Variants in ITGA4 observed in about 807,000 individuals in gnomAD.
The protein encoded by ITGA4 is integrin alpha-4.
In ITGA4, 63 loss-of-function variants were observed where a neutral mutation model predicts 133.6. The observed-to-expected ratio is 0.47, with a 90% CI of 0.38 to 0.58. The LOEUF (loss-of-function observed/expected upper bound fraction) is 0.58, where lower values mean the gene tolerates loss of function less well. ITGA4 is among the 20% of genes least tolerant of loss of function. The pLI, the probability that ITGA4 is intolerant of heterozygous loss-of-function variation, is 0.00. For synonymous variants in ITGA4, 483 were observed against 438.0 expected (o/e 1.10, Z -1.28); for missense variants, 1,076 against 1,252.7 (o/e 0.86, Z 2.13).
At position 181,457,833 on chromosome 2, in the gene ITGA4, G is replaced by C; in HGVS notation, c.179G>C (p.Ser60Thr). ...TTCGGCTACTCGGTCGTGCTGCACA[G>C]CCACGGGGCGAACCGATGGTGAGTA... ...TLFGYSVVLHSHGANRWLLVG... is the reference protein window; with the variant it reads ...TLFGYSVVLHTHGANRWLLVG... The change falls in exon 1 of 28, where the codon AGC becomes ACC. Residue 60 changes from serine to threonine, a missense_variant. Ser to Thr is a moderately conservative substitution (Grantham distance 58). Coordinates refer to ENST00000397033, the MANE Select transcript of ITGA4 (RefSeq NM_000885.6). The C allele has an allele frequency of 6.2e-7, 1 of 1,612,738 alleles. No homozygotes were observed. Among genetic ancestry groups the C allele is most frequent in the East Asian group, 2.2e-5 (1 of 44,862 alleles).
chr2:181,477,623 G>A (rs1164323911), intron 4 of ITGA4, among the ~76,000 whole-genome samples: 3 of 152,056 alleles, frequency 2.0e-5, no homozygotes, highest in African/African-American at 7.2e-5. Context: ...TCAAGGAAAT[G>A]CAAATTACAA....
At position 181,459,917 on chromosome 2, in the gene ITGA4, A is replaced by G. The variant is rs899919167; in HGVS notation, c.319+1600A>G. Among the ~76,000 whole-genome samples the G allele has an allele frequency of 2.0e-5, 3 of 152,240 alleles. 1 individual carries two copies. In the South Asian group the frequency reaches 6.2e-4, roughly 31 times the overall value. On this transcript the variant is annotated intron_variant, in intron 2 of 27. Transcript: ENST00000397033. Reference sequence around the variant, plus strand: ...TTTCTGGATGTCTGTGTTTAACTGGATAAATCATGACATAATACTGTATTA... The same window carrying G: ...TTTCTGGATGTCTGTGTTTAACTGGGTAAATCATGACATAATACTGTATTA...
intron 17 of ITGA4, among the ~76,000 whole-genome samples, chr2:181,515,094 G>A (rs969838917): frequency 6.6e-6 from 1 of 151,932 alleles, no homozygotes; most frequent in African/African-American, 2.4e-5. Context: ...AGGGGACCAG[G>A]CCACAGATCT....
intron 4 of ITGA4, chr2:181,475,671 C>A: frequency 2.0e-6 from 2 of 1,014,852 alleles, no homozygotes; most frequent in South Asian, 2.2e-5. Context: ...CTTTAGCTTC[C>A]AGGAGTAATT....
intron 5 of ITGA4, chr2:181,479,562 A>T (rs753700763): frequency 6.6e-6 from 1 of 151,998 alleles, no homozygotes; most frequent in Non-Finnish European, 1.5e-5. Flanking sequence ...TTAATTGCTG[A>T]AAGTGTTCAT....
intron 15 of ITGA4, among the ~76,000 whole-genome samples, chr2:181,508,355 T>C (rs1686435580): frequency 6.6e-6 from 1 of 151,994 alleles, no homozygotes; most frequent in African/African-American, 2.4e-5. Flanking sequence ...AACTGGTAAA[T>C]AAATTCAAGA....
intron 2 of ITGA4, among the ~76,000 whole-genome samples, chr2:181,461,704 G>A (rs1339157720): frequency 3.3e-5 from 5 of 152,112 alleles, no homozygotes; most frequent in African/African-American, 7.2e-5. Flanking sequence ...ATTCAAATAT[G>A]TTTCCAGATC....
At chr2:181,480,302 C>G in intron 6 of ITGA4, 36 bp downstream of exon 6, 1 of 1,182,834 alleles carries the variant, frequency 8.5e-7, no homozygotes. Context: ...ATGATCTGTG[C>G]CTTACAAATA....
chr2:181,525,949 A>G (rs534696067), intron 21 of ITGA4, among the ~76,000 whole-genome samples: 1 of 152,348 alleles, frequency 6.6e-6, no homozygotes, highest in Non-Finnish European at 1.5e-5. Context: ...GTTAGTCCTT[A>G]AAACTACATT....
At chr2:181,491,064 G>A (rs542273449) in intron 10 of ITGA4, among the ~76,000 whole-genome samples, 89 of 152,234 alleles carry the variant, frequency 5.8e-4, no homozygotes, top group African/African-American at 1.8e-3. Context: ...AGATCCAAGC[G>A]TAATCCAGGA....
At chr2:181,533,633 T>C (rs1686992157) in intron 25 of ITGA4, among the ~76,000 whole-genome samples, 1 of 152,170 alleles carries the variant, frequency 6.6e-6, no homozygotes, top group Non-Finnish European at 1.5e-5. Context: ...CCCTCCCTGC[T>C]GAGAACCACT....
intron 2 of ITGA4, among the ~76,000 whole-genome samples, chr2:181,460,734 A>T (rs1308828595): frequency 2.0e-5 from 3 of 152,158 alleles, no homozygotes; most frequent in Non-Finnish European, 4.4e-5. Flanking sequence ...TTGTTTACTT[A>T]AATCTATTAT....
rs201013469 is a variant in ITGA4, at chr2:181,498,820, C to T, written c.1695+43C>T. 2.3e-5 allele frequency: 36 copies of T among 1,537,110 alleles called. 1 individual carries two copies. The East Asian group carries it at 6.1e-4, about 26-fold the overall frequency. ...TTATTAATGAATATGTGAACTTCAA[C>T]GTTGTTGATAGAGAGCAACTTATTG... On this transcript the variant is annotated intron_variant, in intron 15 of 27. Transcript: ENST00000397033.
intron 2 of ITGA4, among the ~76,000 whole-genome samples, chr2:181,463,595 G>A (rs1365869396): frequency 6.6e-6 from 1 of 152,112 alleles, no homozygotes; most frequent in African/African-American, 2.4e-5. Flanking sequence ...TTTCTAATTT[G>A]GGCTGTGACA....
chr2:181,527,122 C>G (rs1006977347), intron 21 of ITGA4, among the ~76,000 whole-genome samples, 175 bp from the exon 22 acceptor site: 1 of 152,060 alleles, frequency 6.6e-6, no homozygotes, highest in African/African-American at 2.4e-5. Flanking sequence ...AGGCATGAGC[C>G]ACTGCTCCCG....
intron 9 of ITGA4, among the ~76,000 whole-genome samples, chr2:181,483,078 CTTAA>C (rs1468103884): frequency 6.6e-6 from 1 of 152,088 alleles, no homozygotes; most frequent in African/African-American, 2.4e-5. Flanking sequence ...TTTTCAATTT[CTTAA>C]TTTGAAAACA....
At chr2:181,471,090 CTTA>C (rs1188608263) in intron 2 of ITGA4, among the ~76,000 whole-genome samples, 1 of 152,156 alleles carries the variant, frequency 6.6e-6, no homozygotes. Context: ...TATTTGCTCA[CTTA>C]TTAAGATTGG....
chr2:181,475,911 A>G (rs969786094), intron 4 of ITGA4: 15 of 1,536,706 alleles, frequency 9.8e-6, no homozygotes, highest in Non-Finnish European at 1.3e-5. Flanking sequence ...ATCTGCAGCA[A>G]AACTAAAATC....
chr2:181,491,237 G>A (rs181386224), intron 10 of ITGA4, among the ~76,000 whole-genome samples: 1 of 151,984 alleles, frequency 6.6e-6, no homozygotes, highest in African/African-American at 2.4e-5. Context: ...GCTAATAACA[G>A]GTACTGTAAG....
Sources: allele counts gnomAD v4.1 joint callset (sites outside exome capture counted in the v4.1 genomes callset), GRCh38; gene constraint gnomAD v4.1.1; transcripts MANE v1.5; gene names NCBI Gene and HGNC (gene_info 2026-07-23, HGNC 2026-07-21).